GUCY1A2: variants seen among roughly 807,000 people sequenced by gnomAD.
The protein encoded by GUCY1A2 is guanylate cyclase soluble subunit alpha-2.
In GUCY1A2, 27 loss-of-function variants were observed where a neutral mutation model predicts 63.5. The observed-to-expected ratio is 0.43, with a 90% CI of 0.31 to 0.59. The LOEUF (loss-of-function observed/expected upper bound fraction) is 0.59. Ranked by LOEUF, GUCY1A2 falls within the 20% of genes least tolerant of loss-of-function variation. The probability of loss-of-function intolerance (pLI) is 0.11; values close to 1 mark genes in which losing one functional copy is unlikely to be tolerated. For missense variants in GUCY1A2, 768 were observed against 913.3 expected (o/e 0.84, Z 2.05); for synonymous variants, 364 against 343.5 (o/e 1.06, Z -0.66).
chr11:107,017,644 G>T (rs1861841874), intron 1 of GUCY1A2, 109 bp downstream of exon 1: 2 of 531,428 alleles, frequency 3.8e-6, no homozygotes, highest in South Asian at 5.4e-5. Context: ...AGGCCGGGCC[G>T]CCCCCCAGCG....
At chr11:106,944,990 A>T (rs1860806595) in intron 3 of GUCY1A2, among the ~76,000 whole-genome samples, 1 of 152,174 alleles carries the variant, frequency 6.6e-6, no homozygotes, top group African/African-American at 2.4e-5. Flanking sequence ...GAAAAAAGAA[A>T]CCAATGGAAG....
At chr11:106,754,524 T>C (rs190529508) in intron 6 of GUCY1A2, among the ~76,000 whole-genome samples, 1 of 152,280 alleles carries the variant, frequency 6.6e-6, no homozygotes, top group African/African-American at 2.4e-5. Flanking sequence ...TTTTGAGATA[T>C]GTTCCATCGA....
chr11:106,946,374 AAAAG>A (rs1401263107), intron 3 of GUCY1A2, among the ~76,000 whole-genome samples: 2 of 152,176 alleles, frequency 1.3e-5, no homozygotes, highest in Admixed American at 6.5e-5. Context: ...AAAACAATGT[AAAAG>A]AAATATGATA....
intron 4 of GUCY1A2, among the ~76,000 whole-genome samples, chr11:106,907,397 CT>C (rs1025570043): frequency 6.7e-6 from 1 of 148,370 alleles, no homozygotes; most frequent in Non-Finnish European, 1.5e-5. Flanking sequence ...CACAGCAATT[CT>C]TTTTTTTAAT....
chr11:106,758,901 T>C (rs960809463), intron 6 of GUCY1A2, among the ~76,000 whole-genome samples: 64 of 152,070 alleles, frequency 4.2e-4, no homozygotes, highest in African/African-American at 1.5e-3. Flanking sequence ...AGAGAAGATA[T>C]TTGAAGAAAG....
At chr11:106,928,022 T>C (rs1019569193) in intron 4 of GUCY1A2, among the ~76,000 whole-genome samples, 1 of 152,174 alleles carries the variant, frequency 6.6e-6, no homozygotes, top group Non-Finnish European at 1.5e-5. Flanking sequence ...TCTTTTACTG[T>C]AGGATGTTAA....
intron 1 of GUCY1A2, among the ~76,000 whole-genome samples, chr11:106,986,623 T>C (rs1456182903): frequency 3.9e-5 from 6 of 152,100 alleles, no homozygotes; most frequent in African/African-American, 1.4e-4. Flanking sequence ...GTTAAAAGAG[T>C]CAACTTTATA....
chr11:106,846,256 T>C (rs1398542794), intron 4 of GUCY1A2, among the ~76,000 whole-genome samples: 1 of 151,634 alleles, frequency 6.6e-6, no homozygotes, highest in Non-Finnish European at 1.5e-5. Flanking sequence ...TGGGGGGTAC[T>C]GTGACTATGT....
At chr11:106,993,258 C>G (rs1861493796) in intron 1 of GUCY1A2, among the ~76,000 whole-genome samples, 1 of 152,198 alleles carries the variant, frequency 6.6e-6, no homozygotes, top group Admixed American at 6.5e-5. Context: ...CATGAGAACA[C>G]ATTGTTTCTT....
At chr11:106,723,387 T>G (rs964094470) in intron 6 of GUCY1A2, among the ~76,000 whole-genome samples, 1 of 152,258 alleles carries the variant, frequency 6.6e-6, no homozygotes, top group Non-Finnish European at 1.5e-5. Flanking sequence ...CACTTTATTT[T>G]GACTGTTTTG....
At chr11:106,899,702 A>T (rs1860101668) in intron 4 of GUCY1A2, among the ~76,000 whole-genome samples, 1 of 152,220 alleles carries the variant, frequency 6.6e-6, no homozygotes, top group African/African-American at 2.4e-5. Flanking sequence ...ATGAACCTTC[A>T]TCCCAGAAAA....
At chr11:106,877,876 A>G (rs1859771562) in intron 4 of GUCY1A2, among the ~76,000 whole-genome samples, 1 of 152,170 alleles carries the variant, frequency 6.6e-6, no homozygotes, top group Non-Finnish European at 1.5e-5. Flanking sequence ...CAAAGTACGA[A>G]TCTGACAAAG....
At position 106,888,621 on chromosome 11, in the gene GUCY1A2, AACAGGCGTTTGTACC is replaced by A. The variant is rs369345580; in HGVS notation, c.1206+50824_1206+50838del. Among the ~76,000 whole-genome samples, 8 of 152,366 alleles carry A rather than the reference AACAGGCGTTTGTACC, an allele frequency of 5.3e-5. No individual in the cohort carries two copies. The East Asian group carries it at 1.5e-3, about 29-fold the overall frequency. On this transcript the variant is annotated intron_variant, in intron 4 of 7. Transcript: ENST00000526355. ...CTTTTAAGAGCTATCCTTTATAGCC[AACAGGCGTTTGTACC>A]ACAATAAGTGCAATGATTTAGTAAA...
intron 4 of GUCY1A2, among the ~76,000 whole-genome samples, chr11:106,848,797 G>A (rs954127728): frequency 3.3e-5 from 5 of 151,584 alleles, no homozygotes; most frequent in African/African-American, 7.2e-5. Flanking sequence ...TTATTTGAAT[G>A]TTTAGTCATT....
At chr11:106,890,134 C>T (rs936774414) in intron 4 of GUCY1A2, among the ~76,000 whole-genome samples, 3 of 152,142 alleles carry the variant, frequency 2.0e-5, no homozygotes, top group African/African-American at 7.2e-5. Context: ...ATCTTATCTT[C>T]ATTGCCCGTT....
In GUCY1A2 at chr11:106,686,687, A is replaced by G. The variant is rs1283650831; in HGVS notation, c.*862T>C. 1 of 212,046 alleles carries G rather than the reference A, an allele frequency of 4.7e-6. No homozygotes were observed. Among genetic ancestry groups the G allele is most frequent in the East Asian group, 7.0e-5 (1 of 14,248 alleles). 13.1% of individuals were successfully genotyped at this position (212,046 alleles called of 1,614,324 possible). ...CCAGTGTAGCAAAGCATTTCATTTT[A>G]ACTGATATTTGTTAGAAGGTGGCAA... On this transcript the variant is annotated 3_prime_UTR_variant, in exon 8 of 8. Transcript: ENST00000526355.
At chr11:106,835,799 C>T (rs914875110) in intron 4 of GUCY1A2, among the ~76,000 whole-genome samples, 1 of 151,620 alleles carries the variant, frequency 6.6e-6, no homozygotes, top group Non-Finnish European at 1.5e-5. Context: ...TTTTATAATG[C>T]TAATGAGATC....
rs1862379768 is a variant in GUCY1A2, at chr11:106,678,337, AG to A, written c.*9211del. On this transcript the variant is annotated 3_prime_UTR_variant, in exon 8 of 8. Coordinates refer to ENST00000526355, the MANE Select transcript of GUCY1A2 (RefSeq NM_000855.3). ...ATTTTTACCAAAAAAATTCAGAAGG[AG>A]GGTTTCACATTATTGATAAATCAAC... The A allele has an allele frequency of 9.6e-6, 2 of 208,216 alleles. No individual in the cohort carries two copies. The highest frequency in any genetic ancestry group is 4.6e-5 in the African/African-American group (2 of 43,890). The allele number at this position is 208,216 out of a possible 1,614,324, so 12.9% of individuals were successfully genotyped here.
At chr11:106,711,813 A>G (rs148929312) in intron 6 of GUCY1A2, among the ~76,000 whole-genome samples, 1 of 152,238 alleles carries the variant, frequency 6.6e-6, no homozygotes, top group East Asian at 1.9e-4. Flanking sequence ...CTGCATATTG[A>G]ATTCTAGGTT....
Sources: gnomAD v4.1 joint callset for allele counts (sites outside exome capture counted in the v4.1 genomes callset) on GRCh38, gnomAD v4.1.1 for gene constraint, MANE v1.5 for transcripts, NCBI Gene and HGNC (gene_info 2026-07-23, HGNC 2026-07-21) for gene names.